Variants in SPTLC2 observed in about 807,000 individuals in gnomAD.
SPTLC2 encodes serine palmitoyltransferase 2.
In SPTLC2, 21 loss-of-function variants were observed where a neutral mutation model predicts 62.0. The observed-to-expected ratio is 0.34, with a 90% confidence interval of 0.24 to 0.49. The LOEUF (loss-of-function observed/expected upper bound fraction) is 0.49. Among genes scored for constraint, SPTLC2 ranks in the 20% least tolerant of loss-of-function variants. The pLI is 0.99. For missense variants in SPTLC2, 511 were observed against 713.0 expected (o/e 0.72, Z 3.23); for synonymous variants, 261 against 261.8 (o/e 1.00, Z 0.03).
At chr14:77,574,981 G>A (rs1594999387) in intron 4 of SPTLC2, among the ~76,000 whole-genome samples, 1 of 152,270 alleles carries the variant, frequency 6.6e-6, no homozygotes, top group East Asian at 1.9e-4. Flanking sequence ...GCTGAGTTAG[G>A]AGAATCACTT....
In SPTLC2 at chr14:77,511,950, G is replaced by A; in HGVS notation, c.*334C>T. The A allele has an allele frequency of 8.4e-6, 3 of 358,326 alleles. No individual in the cohort carries two copies. The highest frequency in any genetic ancestry group is 9.8e-4 in the Middle Eastern group (1 of 1,022). 22.2% of individuals were successfully genotyped at this position (358,326 alleles called of 1,614,324 possible). ...GGCCCAAGTCTGCAAGGTGCTGGGAGAGGGGAATGGCCTGTGTGGTTAGCC... is the reference window on the plus strand; with the variant it reads ...GGCCCAAGTCTGCAAGGTGCTGGGAAAGGGGAATGGCCTGTGTGGTTAGCC... On this transcript the variant is annotated 3_prime_UTR_variant, in exon 12 of 12. Transcript: ENST00000216484.
chr14:77,546,439 G>T (rs2079528183), intron 9 of SPTLC2, among the ~76,000 whole-genome samples: 1 of 152,208 alleles, frequency 6.6e-6, no homozygotes, highest in African/African-American at 2.4e-5. Context: ...ATATGAGTTT[G>T]CTTCAAAAAC....
rs991080462 is a variant in SPTLC2 at position 77,576,921 on chromosome 14, C to A, written c.483-6G>T. On this transcript the variant is annotated splice_region_variant and splice_polypyrimidine_tract_variant and intron_variant, in intron 3 of 11. Coordinates refer to ENST00000216484, the MANE Select transcript of SPTLC2 (RefSeq NM_004863.4). ...TTATTATATTCCCTGTATACCTGTG[C>A]ATCAATAGCATAAAACAATGAAACT... The A allele has an allele frequency of 2.5e-6, 4 of 1,613,924 alleles. No homozygotes were observed. The highest frequency in any genetic ancestry group is 2.7e-5 in the African/African-American group (2 of 74,986).
chr14:77,579,284 TAACACACATG>T (rs1407530024), intron 2 of SPTLC2, among the ~76,000 whole-genome samples, 175 bp from the exon 3 acceptor site: 7 of 152,216 alleles, frequency 4.6e-5, no homozygotes, highest in Non-Finnish European at 1.5e-5. Context: ...GTCATTCAAA[TAACACACATG>T]GTACCCATTA....
intron 1 of SPTLC2, among the ~76,000 whole-genome samples, chr14:77,615,472 T>G (rs2079961462): frequency 6.6e-6 from 1 of 152,232 alleles, no homozygotes; most frequent in Non-Finnish European, 1.5e-5. Context: ...CAGAGTACTT[T>G]CTAAGCGTTC....
chr14:77,532,665 T>A (rs1006569857), intron 9 of SPTLC2, among the ~76,000 whole-genome samples: 8 of 151,940 alleles, frequency 5.3e-5, no homozygotes, highest in Admixed American at 5.3e-4. Context: ...GCGCCTGTAG[T>A]CCCAGCTACT....
intron 9 of SPTLC2, among the ~76,000 whole-genome samples, chr14:77,532,804 AAAAT>A (rs1594974328): frequency 9.6e-6 from 1 of 104,248 alleles, no homozygotes; most frequent in South Asian, 3.1e-4. Context: ...AATAAAAATA[AAAAT>A]AAATAAATAA....
intron 2 of SPTLC2, among the ~76,000 whole-genome samples, chr14:77,579,557 TG>T (rs1455950482): frequency 6.6e-6 from 1 of 152,152 alleles, no homozygotes; most frequent in African/African-American, 2.4e-5. Context: ...GGGACAAGCC[TG>T]GGCAACATAG....
chr14:77,602,067 GCTCCCCAACCCC>G (rs750524964), intron 1 of SPTLC2, among the ~76,000 whole-genome samples: 14 of 152,026 alleles, frequency 9.2e-5, no homozygotes, highest in Non-Finnish European at 1.9e-4. Flanking sequence ...TGCTTTGGCT[GCTCCCCAACCCC>G]CTTCTCCGTG....
At chr14:77,536,725 A>G (rs1464844252) in intron 9 of SPTLC2, among the ~76,000 whole-genome samples, 2 of 151,608 alleles carry the variant, frequency 1.3e-5, no homozygotes, top group South Asian at 2.1e-4. Flanking sequence ...TAAAAAGAAG[A>G]AAAAAAAACC....
At chr14:77,591,730 G>GTATTTATTTATTTATT (rs1555377455) in intron 2 of SPTLC2, among the ~76,000 whole-genome samples, 10 of 131,174 alleles carry the variant, frequency 7.6e-5, no homozygotes, top group African/African-American at 2.7e-4. Flanking sequence ...ATGTATGTAT[G>GTATTTATTTATTTATT]TATTTATTTT....
intron 9 of SPTLC2, among the ~76,000 whole-genome samples, chr14:77,529,642 T>TTTTTTTTTTTTTTTTTTTG (rs869265987): frequency 1.1e-5 from 1 of 95,008 alleles, no homozygotes; most frequent in African/African-American, 4.1e-5. Context: ...TTTTTTTTTT[T>TTTTTTTTTTTTTTTTTTTG]GAGACAGAGT....
chr14:77,563,817 A>T (rs1342766404), intron 5 of SPTLC2, among the ~76,000 whole-genome samples: 3 of 152,234 alleles, frequency 2.0e-5, no homozygotes, highest in African/African-American at 7.2e-5. Context: ...AGGGTCAACT[A>T]TATATATACA....
intron 4 of SPTLC2, among the ~76,000 whole-genome samples, chr14:77,576,351 T>C (rs2079715628): frequency 6.6e-6 from 1 of 152,262 alleles, no homozygotes; most frequent in Non-Finnish European, 1.5e-5. Flanking sequence ...TGGATTAGCT[T>C]ACGTAATTCT....
intron 2 of SPTLC2, among the ~76,000 whole-genome samples, chr14:77,588,996 C>CAAA (rs60536883): frequency 8.3e-4 from 62 of 74,596 alleles, no homozygotes; most frequent in Non-Finnish European, 1.1e-3. Context: ...GACCTTGTCT[C>CAAA]AAAAAAAAAA....
intron 4 of SPTLC2, among the ~76,000 whole-genome samples, chr14:77,570,951 G>T (rs943534029): frequency 6.6e-6 from 1 of 152,132 alleles, no homozygotes. Flanking sequence ...AGAGAAAGAC[G>T]TAAGGAGAGG....
intron 4 of SPTLC2, among the ~76,000 whole-genome samples, chr14:77,573,786 C>T (rs2079697998): frequency 1.3e-5 from 2 of 152,266 alleles, no homozygotes; most frequent in South Asian, 4.1e-4. Context: ...CACCTTCCAT[C>T]ACGCCCAGCT....
Position 77,510,185 on chromosome 14 carries a change from T to C in SPTLC2, c.*2099A>G, listed in dbSNP as rs2079325358. On this transcript the variant is annotated 3_prime_UTR_variant, in exon 12 of 12. Transcript: ENST00000216484. Reference sequence around the variant, plus strand: ...ACCTATACATGCTAAATATAGTCTCTGCATCTCTCCTTGGTTCTTTCATTC... The same window carrying C: ...ACCTATACATGCTAAATATAGTCTCCGCATCTCTCCTTGGTTCTTTCATTC... 8.1e-6 allele frequency: 3 copies of C among 372,240 alleles called. No homozygotes were observed. Among genetic ancestry groups the C allele is most frequent in the Admixed American group, 4.5e-5 (1 of 22,020 alleles). 23.1% of individuals were successfully genotyped at this position (372,240 alleles called of 1,614,324 possible). A position where few individuals can be genotyped will look rare whatever the true frequency, so the allele number is the denominator to read the frequency against.
At chr14:77,607,387 A>C (rs2079910945) in intron 1 of SPTLC2, among the ~76,000 whole-genome samples, 1 of 152,232 alleles carries the variant, frequency 6.6e-6, no homozygotes, top group Non-Finnish European at 1.5e-5. Context: ...CCGCCATTAA[A>C]AGTAATGGCA....
Sources: gnomAD v4.1 joint callset for allele counts (sites outside exome capture counted in the v4.1 genomes callset) on GRCh38, gnomAD v4.1.1 for gene constraint, MANE v1.5 for transcripts, NCBI Gene and HGNC (gene_info 2026-07-23, HGNC 2026-07-21) for gene names.